Variants in LY86 observed in about 807,000 individuals in gnomAD.
LY86 encodes lymphocyte antigen 86, also known as MD-1, RP105-associated.
LY86 carries 20 observed loss-of-function variants against 17.3 expected under a neutral mutation model. That is an observed-to-expected ratio of 1.15 (90% CI 0.81 to 1.68). The LOEUF is 1.68. LY86 is among the 40% of genes most tolerant of loss of function. The pLI is 0.00. For synonymous variants in LY86, 74 were observed against 70.6 expected (o/e 1.05, Z -0.24); for missense variants, 200 against 191.9 (o/e 1.04, Z -0.25).
intron 1 of LY86, among the ~76,000 whole-genome samples, chr6:6,610,256 T>C (rs1290594435): frequency 6.6e-6 from 1 of 152,196 alleles, no homozygotes; most frequent in African/African-American, 2.4e-5. Flanking sequence ...TGAAGGGAAG[T>C]GGGTGAAAGT....
At chr6:6,637,247 G>A (rs1457482973) in intron 3 of LY86, among the ~76,000 whole-genome samples, 1 of 152,064 alleles carries the variant, frequency 6.6e-6, no homozygotes, top group Non-Finnish European at 1.5e-5. Flanking sequence ...TCCTGACCTC[G>A]TGATCAGCCC....
chr6:6,642,420 A>C lies in LY86; in HGVS notation c.353-7205A>C, dbSNP rs191224833. On this transcript the variant is annotated intron_variant, in intron 3 of 4. Transcript: ENST00000230568. ...TGGCCCGGGAGCTTGAGGAGATGCCAAATTAGGACACACTGAAAAATAATA... is the reference window on the plus strand; with the variant it reads ...TGGCCCGGGAGCTTGAGGAGATGCCCAATTAGGACACACTGAAAAATAATA... Among the ~76,000 whole-genome samples, 545 of 152,340 alleles carry C rather than the reference A, an allele frequency of 3.6e-3. 1 individual carries two copies. The highest frequency in any genetic ancestry group is 0.012 in the African/African-American group (505 of 41,580).
chr6:6,648,104 C>T (rs1034756921), intron 3 of LY86, among the ~76,000 whole-genome samples: 7 of 151,956 alleles, frequency 4.6e-5, no homozygotes, highest in African/African-American at 1.7e-4. Flanking sequence ...CTCTCTATAC[C>T]CACTCATCAG....
At chr6:6,632,095 G>A (rs994225533) in intron 3 of LY86, among the ~76,000 whole-genome samples, 2 of 152,182 alleles carry the variant, frequency 1.3e-5, no homozygotes, top group African/African-American at 4.8e-5. Flanking sequence ...CTTGACCTGA[G>A]CTGCAGCATA....
intron 1 of LY86, among the ~76,000 whole-genome samples, chr6:6,598,290 CTCA>C (rs1046606446): frequency 2.6e-5 from 4 of 152,092 alleles, no homozygotes; most frequent in East Asian, 1.9e-4. Context: ...AATTATTCAA[CTCA>C]TTTTTTTTCT....
intron 1 of LY86, among the ~76,000 whole-genome samples, chr6:6,600,166 A>T (rs1760852774): frequency 6.6e-6 from 1 of 152,184 alleles, no homozygotes; most frequent in Admixed American, 6.5e-5. Flanking sequence ...TAGAAATGGC[A>T]TTTTCATAGG....
chr6:6,612,420 CAT>C (rs1293858011), intron 1 of LY86, among the ~76,000 whole-genome samples: 2 of 152,186 alleles, frequency 1.3e-5, no homozygotes, highest in East Asian at 1.9e-4. Flanking sequence ...TCACTGGCCT[CAT>C]AAAAGAAACC....
intron 1 of LY86, among the ~76,000 whole-genome samples, chr6:6,610,932 G>T (rs1007194608): frequency 1.3e-5 from 2 of 152,170 alleles, no homozygotes; most frequent in Non-Finnish European, 2.9e-5. Flanking sequence ...GCCAAGGAAG[G>T]CTCCTTCTTT....
intron 1 of LY86, among the ~76,000 whole-genome samples, chr6:6,613,141 G>A (rs763537309): frequency 5.3e-5 from 8 of 152,268 alleles, no homozygotes; most frequent in Non-Finnish European, 8.8e-5. Context: ...GCTGATTGGT[G>A]TGTTTACAAT....
At chr6:6,593,675 A>G (rs376949523) in intron 1 of LY86, among the ~76,000 whole-genome samples, 17 of 152,354 alleles carry the variant, frequency 1.1e-4, no homozygotes, top group East Asian at 5.8e-4. Context: ...AAACAAGGAC[A>G]TGGCATTGTT....
intron 1 of LY86, among the ~76,000 whole-genome samples, chr6:6,589,723 C>A (rs13437598): frequency 1.4e-4 from 22 of 152,252 alleles, no homozygotes; most frequent in African/African-American, 5.3e-4. Context: ...GTGCTCTTCC[C>A]TCTGTGTACA....
intron 4 of LY86, among the ~76,000 whole-genome samples, 171 bp downstream of exon 4, chr6:6,649,848 T>C (rs1442321041): frequency 6.6e-6 from 1 of 152,256 alleles, no homozygotes. Flanking sequence ...ATAAAACTGC[T>C]GCTTCAGAGT....
At chr6:6,652,265 G>A (rs997098538) in intron 4 of LY86, among the ~76,000 whole-genome samples, 1 of 152,006 alleles carries the variant, frequency 6.6e-6, no homozygotes, top group Non-Finnish European at 1.5e-5. Context: ...TCCCTACACC[G>A]GCTGCAGGTC....
intron 1 of LY86, among the ~76,000 whole-genome samples, chr6:6,592,223 T>C (rs971827223): frequency 2.0e-5 from 3 of 152,188 alleles, no homozygotes; most frequent in East Asian, 1.9e-4. Flanking sequence ...GACTAGGAAG[T>C]AAGCAGTTTT....
chr6:6,612,034 TAGG>T (rs1289498170), intron 1 of LY86, among the ~76,000 whole-genome samples: 1 of 152,172 alleles, frequency 6.6e-6, no homozygotes, highest in Non-Finnish European at 1.5e-5. Flanking sequence ...TCTCTTGTAT[TAGG>T]AGAGAGCAAA....
chr6:6,621,577 A>G (rs1761678001), intron 1 of LY86: 1 of 152,220 alleles, frequency 6.6e-6, no homozygotes. Flanking sequence ...TTTCACAACT[A>G]GAGGGTATGG....
intron 1 of LY86, among the ~76,000 whole-genome samples, chr6:6,596,915 CTG>C (rs1283796230): frequency 2.0e-5 from 3 of 152,192 alleles, no homozygotes; most frequent in Admixed American, 2.0e-4. Flanking sequence ...AGCCAAGAGT[CTG>C]TAGTTCTGAA....
intron 1 of LY86, among the ~76,000 whole-genome samples, chr6:6,590,065 C>T (rs370665842): frequency 7.0e-6 from 1 of 142,948 alleles, no homozygotes; most frequent in Non-Finnish European, 1.5e-5. Flanking sequence ...TTGCAGTGAG[C>T]CAAGATCGTG....
intron 3 of LY86, among the ~76,000 whole-genome samples, chr6:6,642,395 T>C (rs1762052673): frequency 6.6e-6 from 1 of 152,218 alleles, no homozygotes; most frequent in Non-Finnish European, 1.5e-5. Flanking sequence ...AAGAGTTGAA[T>C]GGCCCGGGAG....
Sources: allele counts gnomAD v4.1 joint callset (sites outside exome capture counted in the v4.1 genomes callset), GRCh38; gene constraint gnomAD v4.1.1; transcripts MANE v1.5; gene names NCBI Gene and HGNC (gene_info 2026-07-23, HGNC 2026-07-21).